Variants in RERE observed in about 807,000 individuals in gnomAD.
The protein encoded by RERE is arginine-glutamic acid dipeptide repeats protein.
A neutral mutation model predicts 146.1 loss-of-function variants in RERE; 40 were observed. The observed-to-expected ratio is 0.27, with a 90% CI of 0.21 to 0.36. The LOEUF is 0.36. RERE is among the 10% of genes least tolerant of loss of function. RERE has a pLI of 1.00. For missense variants in RERE, 1,933 were observed against 2,138.7 expected, an observed-to-expected ratio of 0.90 and a Z score of 1.90; for synonymous variants, 1,003 against 866.0, an observed-to-expected ratio of 1.16 and a Z score of -2.78.
chr1:8,683,603 GCA>G (rs1639022894), intron 1 of RERE, among the ~76,000 whole-genome samples: 1 of 152,042 alleles, frequency 6.6e-6, no homozygotes, highest in Non-Finnish European at 1.5e-5. Context: ...TTCATTTATG[GCA>G]GAGATTAAAA....
In RERE at chr1:8,430,407, G is replaced by C. The variant is rs566200275; in HGVS notation, c.1204-7600C>G. On this transcript the variant is annotated intron_variant, in intron 11 of 22. Coordinates refer to ENST00000400908, the MANE Select transcript of RERE (RefSeq NM_001042681.2). ...TGCACTTACTAGTGTTATTCCAGGAGAGCCAGTTAATAGTTTAATGAAACT... is the reference window on the plus strand; with the variant it reads ...TGCACTTACTAGTGTTATTCCAGGACAGCCAGTTAATAGTTTAATGAAACT... Among the ~76,000 whole-genome samples, 21 of 152,184 alleles carry C rather than the reference G, an allele frequency of 1.4e-4. 1 individual carries two copies. The highest frequency in any genetic ancestry group is 2.9e-5 in the Non-Finnish European group (2 of 68,042).
Position 8,423,675 on chromosome 1 carries a change from G to A in RERE, c.1204-868C>T. 1.0e-6 allele frequency: 1 copy of A among 983,814 alleles called. No homozygotes were observed. The highest frequency in any genetic ancestry group is 1.2e-6 in the Non-Finnish European group (1 of 829,486). The allele number at this position is 983,814 out of a possible 1,614,324, so 60.9% of individuals were successfully genotyped here. On this transcript the variant is annotated intron_variant, in intron 11 of 22. Transcript: ENST00000400908. The surrounding 1 kb of genome is among the most constrained non-coding windows in gnomAD (Gnocchi z 5.4). The stretch of plus-strand genomic sequence containing the variant: ...TCACTGGGCTCCGGCTCCACAAAGC[G>A]CAGGGCGGAGGCGGCCGCGGGTGGC...
At chr1:8,521,176 C>CAAAAA (rs36115526) in intron 7 of RERE, among the ~76,000 whole-genome samples, 2,862 of 109,758 alleles carry the variant, frequency 0.026, 116 homozygotes, top group Non-Finnish European at 0.038. Context: ...TTCTTTTTTT[C>CAAAAA]AAAAAAAAAA....
At chr1:8,369,270 C>T (rs1281974506) in intron 12 of RERE, among the ~76,000 whole-genome samples, 1 of 151,896 alleles carries the variant, frequency 6.6e-6, no homozygotes, top group Admixed American at 6.6e-5. Context: ...CTGCCCCATG[C>T]CAGACAGAAA....
At chr1:8,806,550 A>G (rs2124599901) in intron 1 of RERE, among the ~76,000 whole-genome samples, 1 of 152,170 alleles carries the variant, frequency 6.6e-6, no homozygotes, top group East Asian at 1.9e-4. Context: ...TAACTTCCTA[A>G]GTATGCCTTG....
intron 4 of RERE, among the ~76,000 whole-genome samples, chr1:8,602,524 G>GAAA (rs35403700): frequency 6.8e-6 from 1 of 147,368 alleles, no homozygotes; most frequent in Non-Finnish European, 1.5e-5. Context: ...GAAAAAAAAA[G>GAAA]AAAAAAAAAA....
At chr1:8,669,383 G>A (rs745763793) in intron 1 of RERE, among the ~76,000 whole-genome samples, 1 of 152,120 alleles carries the variant, frequency 6.6e-6, no homozygotes, top group African/African-American at 2.4e-5. Flanking sequence ...ACAGGCATAA[G>A]CCACCATGCC....
At chr1:8,709,283 A>C (rs1639620120) in intron 1 of RERE, among the ~76,000 whole-genome samples, 1 of 140,788 alleles carries the variant, frequency 7.1e-6, no homozygotes, top group Admixed American at 7.2e-5. Context: ...TAGATTTTTT[A>C]ATTTTTTTTT....
chr1:8,426,796 C>CT (rs1570215360), intron 11 of RERE, among the ~76,000 whole-genome samples: 1 of 152,168 alleles, frequency 6.6e-6, no homozygotes, highest in East Asian at 1.9e-4. Context: ...TGGGGGACCT[C>CT]TGTCTCAACT....
Position 8,578,172 on chromosome 1 carries a change from G to A in RERE, c.523-20649C>T, listed in dbSNP as rs181323340. On this transcript the variant is annotated intron_variant, in intron 4 of 22. Coordinates refer to ENST00000400908, the MANE Select transcript of RERE (RefSeq NM_001042681.2). ...AACCTGTCCTGAAAGAAAGCAATGA[G>A]CACCTCTTTTTATCATAACATATTT... Among the ~76,000 whole-genome samples the A allele has an allele frequency of 9.9e-5, 15 of 152,174 alleles. No individual in the cohort carries two copies. In the East Asian group the frequency reaches 2.5e-3, roughly 25 times the overall value.
At chr1:8,452,884 C>A (rs1644404854) in intron 11 of RERE, among the ~76,000 whole-genome samples, 1 of 152,172 alleles carries the variant, frequency 6.6e-6, no homozygotes, top group African/African-American at 2.4e-5. Context: ...TAGAGTGCAC[C>A]CGTACACATG....
At chr1:8,380,363 A>G (rs1469478579) in intron 12 of RERE, among the ~76,000 whole-genome samples, 1 of 151,110 alleles carries the variant, frequency 6.6e-6, no homozygotes, top group Non-Finnish European at 1.5e-5. Context: ...TTTTTAAACG[A>G]AACAAAACAG....
rs1309469940 is a variant in RERE, at chr1:8,359,778, C to CCTCGCG, written c.3598_3603dup (p.Arg1200_Glu1201dup). 3.7e-6 allele frequency: 6 copies of CCTCGCG among 1,600,888 alleles called. No individual in the cohort carries two copies. The highest frequency in any genetic ancestry group is 2.2e-5 in the South Asian group (2 of 90,882). On this transcript the variant is annotated inframe_insertion, in exon 19 of 23. Coordinates refer to ENST00000400908, the MANE Select transcript of RERE (RefSeq NM_001042681.2). Reference sequence around the variant, plus strand: ...CCTGGACTCACAGCCGCCCGCTCTGCCTCGCGCTCCCGCTCTCGCTCCCGC... The same window carrying CCTCGCG: ...CCTGGACTCACAGCCGCCCGCTCTGCCTCGCGCTCGCGCTCCCGCTCTCGCTCCCGC...
chr1:8,808,052 G>A (rs1175924325), intron 1 of RERE, among the ~76,000 whole-genome samples: 1 of 150,646 alleles, frequency 6.6e-6, no homozygotes, highest in Admixed American at 6.7e-5. Context: ...GCCGAGGTGG[G>A]AGAATCACTT....
At chr1:8,388,521 T>A (rs563997661) in intron 12 of RERE, among the ~76,000 whole-genome samples, 5 of 152,078 alleles carry the variant, frequency 3.3e-5, no homozygotes, top group Admixed American at 1.3e-4. Context: ...GGGTTTCACC[T>A]TGTTAGCCAG....
At chr1:8,438,261 G>A (rs1644197878) in intron 11 of RERE, among the ~76,000 whole-genome samples, 1 of 82,614 alleles carries the variant, frequency 1.2e-5, no homozygotes, top group Admixed American at 1.1e-4. Context: ...AAAGAGTTGG[G>A]ATTATGGCAT....
chr1:8,589,717 G>T (rs748851258), intron 4 of RERE, among the ~76,000 whole-genome samples: 1 of 152,164 alleles, frequency 6.6e-6, no homozygotes, highest in African/African-American at 2.4e-5. Flanking sequence ...AACACAGGGT[G>T]CCTTCACAGT....
chr1:8,776,447 G>A (rs563986478), intron 1 of RERE, among the ~76,000 whole-genome samples: 10 of 152,216 alleles, frequency 6.6e-5, no homozygotes, highest in African/African-American at 1.9e-4. Context: ...ACAGGTGCAC[G>A]CCATCATGAC....
At position 8,689,661 on chromosome 1, in the gene RERE, AC is replaced by A. The variant is rs1639164812; in HGVS notation, c.-144-33221del. Among the ~76,000 whole-genome samples, 4 of 152,262 alleles carry A rather than the reference AC, an allele frequency of 2.6e-5. No individual in the cohort carries two copies. In the South Asian group the frequency reaches 8.3e-4, roughly 32 times the overall value. ...AATGTGAGAAGTGAGAGAGTTCTTC[AC>A]CTTGAAAATCAAATCACCACAGGGA... On this transcript the variant is annotated intron_variant, in intron 1 of 22. Coordinates refer to ENST00000400908, the MANE Select transcript of RERE (RefSeq NM_001042681.2).
Sources: allele counts gnomAD v4.1 joint callset (sites outside exome capture counted in the v4.1 genomes callset), GRCh38; gene constraint gnomAD v4.1.1; non-coding constraint Gnocchi (gnomAD v3.1); transcripts MANE v1.5; gene names NCBI Gene and HGNC (gene_info 2026-07-23, HGNC 2026-07-21).